PACSIN1: variants seen among roughly 807,000 people sequenced by gnomAD.
PACSIN1 encodes the protein protein kinase C and casein kinase substrate in neurons 1.
Under a neutral mutation model 59.5 loss-of-function variants are expected in PACSIN1, and 15 were observed. The ratio of observed to expected loss-of-function variants is 0.25; its 90% confidence interval spans 0.17 to 0.39. The LOEUF (loss-of-function observed/expected upper bound fraction) is 0.39, where lower values mean the gene tolerates loss of function less well. PACSIN1 is among the 10% of genes least tolerant of loss of function. The pLI is 1.00. For synonymous variants in PACSIN1, 210 were observed against 220.6 expected, an observed-to-expected ratio of 0.95 and a Z score of 0.42; for missense variants, 420 against 580.2, an observed-to-expected ratio of 0.72 and a Z score of 2.84.
Position 34,519,712 on chromosome 6 carries a change from G to A in PACSIN1, c.-63-6531G>A, listed in dbSNP as rs554698172. Among the ~76,000 whole-genome samples, 3 of 152,196 alleles carry A rather than the reference G, an allele frequency of 2.0e-5. No individual in the cohort carries two copies. In the East Asian group the frequency reaches 5.8e-4, roughly 29 times the overall value. On this transcript the variant is annotated intron_variant, in intron 1 of 9. Transcript: ENST00000244458. Reference sequence around the variant, plus strand: ...ACCCCATGGGGGTAGGTGCTATCATGGGGGTAGGTGCTATCCCATGGGGTA... The same window carrying A: ...ACCCCATGGGGGTAGGTGCTATCATAGGGGTAGGTGCTATCCCATGGGGTA...
At chr6:34,477,706 C>A (rs1400476026) in intron 1 of PACSIN1, among the ~76,000 whole-genome samples, 1 of 152,220 alleles carries the variant, frequency 6.6e-6, no homozygotes, top group Non-Finnish European at 1.5e-5. Context: ...AAACATGGTG[C>A]ATACTGGAGG....
intron 1 of PACSIN1, among the ~76,000 whole-genome samples, 167 bp downstream of exon 1, chr6:34,466,437 C>T (rs1207194644): frequency 6.6e-6 from 1 of 152,196 alleles, no homozygotes; most frequent in African/African-American, 2.4e-5. Context: ...TCGGGGATGC[C>T]TTCAGGGGAC....
chr6:34,479,736 A>T (rs1766688973), intron 1 of PACSIN1, among the ~76,000 whole-genome samples: 2 of 152,248 alleles, frequency 1.3e-5, no homozygotes, highest in South Asian at 2.1e-4. Flanking sequence ...GATTACAGGC[A>T]GGAGCCACCA....
In PACSIN1 at chr6:34,498,116, C is replaced by CA. The variant is rs1410189059; in HGVS notation, c.-63-28126dup. On this transcript the variant is annotated intron_variant, in intron 1 of 9. Coordinates refer to ENST00000244458, the MANE Select transcript of PACSIN1 (RefSeq NM_020804.5). The stretch of plus-strand genomic sequence containing the variant: ...CTCCCTCTGTCACCAGGCTGGAGTG[C>CA]AGTGGCACGATCTCGGCTCATTGCA... 2.0e-5 allele frequency among the ~76,000 whole-genome samples: 3 copies of CA among 152,250 alleles called. No homozygotes were observed. The East Asian group carries it at 5.8e-4, about 29-fold the overall frequency.
intron 1 of PACSIN1, among the ~76,000 whole-genome samples, chr6:34,520,930 C>T (rs1462530364): frequency 1.3e-5 from 2 of 152,172 alleles, no homozygotes; most frequent in African/African-American, 4.8e-5. Flanking sequence ...GCTGGGCGCC[C>T]ACTGTGTGCA....
At chr6:34,499,019 T>G (rs1766987491) in intron 1 of PACSIN1, among the ~76,000 whole-genome samples, 1 of 151,930 alleles carries the variant, frequency 6.6e-6, no homozygotes, top group Non-Finnish European at 1.5e-5. Context: ...CACATTACAA[T>G]TATAGGGTAC....
intron 3 of PACSIN1, among the ~76,000 whole-genome samples, chr6:34,528,338 C>T (rs1025897423): frequency 6.6e-6 from 1 of 152,238 alleles, no homozygotes; most frequent in African/African-American, 2.4e-5. Context: ...GGCTGCCCCC[C>T]TCCGACCCCA....
chr6:34,532,372 G>A lies in PACSIN1; in HGVS notation c.1226-49G>A. 2 of 1,289,076 alleles carry A rather than the reference G, an allele frequency of 1.6e-6. No individual in the cohort carries two copies. The highest frequency in any genetic ancestry group is 1.1e-6 in the Non-Finnish European group (1 of 908,892). 79.9% of individuals were successfully genotyped at this position (1,289,076 alleles called of 1,614,324 possible). ...GTTCCCCTAGCAGCCGGTGCGTTGA[G>A]GGAGGGGCAGCCTTCTCTCTGAGCC... On this transcript the variant is annotated intron_variant, in intron 9 of 9. Coordinates refer to ENST00000244458, the MANE Select transcript of PACSIN1 (RefSeq NM_020804.5). The surrounding 1 kb of genome is among the most constrained non-coding windows in gnomAD (Gnocchi z 5.2).
Position 34,531,287 on chromosome 6 carries a change from T to C in PACSIN1, c.1038-313T>C, listed in dbSNP as rs1347135820. On this transcript the variant is annotated intron_variant, in intron 8 of 9. Coordinates refer to ENST00000244458, the MANE Select transcript of PACSIN1 (RefSeq NM_020804.5). This position sits in a 1 kb window ranked among gnomAD's most constrained non-coding sequence, Gnocchi z 4.4. ...AGTTAGTAAACCTCAGAGCCAGATATGTTGCCCAGGAGGTCTGACTCCAGG... is the reference window on the plus strand; with the variant it reads ...AGTTAGTAAACCTCAGAGCCAGATACGTTGCCCAGGAGGTCTGACTCCAGG... Among the ~76,000 whole-genome samples the C allele has an allele frequency of 1.3e-5, 2 of 152,316 alleles. No individual in the cohort carries two copies. The highest frequency in any genetic ancestry group is 3.9e-4 in the East Asian group (2 of 5,190).
chr6:34,530,890 C>T lies in PACSIN1; in HGVS notation c.1037+303C>T, dbSNP rs1186683099. Among the ~76,000 whole-genome samples, 1 of 152,180 alleles carries T rather than the reference C, an allele frequency of 6.6e-6. No homozygotes were observed. The highest frequency in any genetic ancestry group is 1.9e-4 in the East Asian group (1 of 5,194). ...ACGTGCAACCTGGATCCCTCGCATG[C>T]GCAGTTCACAATAGGGGGGTTGCGC... On this transcript the variant is annotated intron_variant, in intron 8 of 9. Transcript: ENST00000244458. This position sits in a 1 kb window ranked among gnomAD's most constrained non-coding sequence, Gnocchi z 4.4.
rs760044717 is a variant in PACSIN1 at position 34,529,797 on chromosome 6, G to T, written c.744G>T (p.Val248=). 8.7e-6 allele frequency: 14 copies of T among 1,613,990 alleles called. No individual in the cohort carries two copies. Among genetic ancestry groups the T allele is most frequent in the Non-Finnish European group, 1.2e-5 (14 of 1,179,960 alleles). The change falls in exon 6 of 10, where the codon GTG becomes GTT. Residue 248 remains valine, a synonymous_variant. Coordinates refer to ENST00000244458, the MANE Select transcript of PACSIN1 (RefSeq NM_020804.5). This position sits in a 1 kb window ranked among gnomAD's most constrained non-coding sequence, Gnocchi z 6.3. ...EEKRLVFLKE[V]LLDIKRHLNL... is the part of the protein sequence containing the mutation. Reference sequence around the variant, plus strand: ...AGCGGCTGGTCTTCCTCAAGGAGGTGCTGCTGGACATCAAACGGCACCTCA... The same window carrying T: ...AGCGGCTGGTCTTCCTCAAGGAGGTTCTGCTGGACATCAAACGGCACCTCA...
intron 1 of PACSIN1, among the ~76,000 whole-genome samples, chr6:34,468,162 G>A (rs1268482724): frequency 6.6e-6 from 1 of 152,222 alleles, no homozygotes; most frequent in Non-Finnish European, 1.5e-5. Flanking sequence ...GGTCTTCATA[G>A]CAAGCTCTCA....
intron 1 of PACSIN1, among the ~76,000 whole-genome samples, chr6:34,512,209 A>C (rs1767213842): frequency 6.6e-6 from 1 of 150,840 alleles, no homozygotes; most frequent in South Asian, 2.1e-4. Context: ...GGGTGGGCTG[A>C]GGGTGGATGC....
Position 34,521,338 on chromosome 6 carries a change from C to T in PACSIN1, c.-63-4905C>T, listed in dbSNP as rs1281274897. Among the ~76,000 whole-genome samples, 3 of 152,150 alleles carry T rather than the reference C, an allele frequency of 2.0e-5. No homozygotes were observed. On this transcript the variant is annotated intron_variant, in intron 1 of 9. Coordinates refer to ENST00000244458, the MANE Select transcript of PACSIN1 (RefSeq NM_020804.5). This position sits in a 1 kb window ranked among gnomAD's most constrained non-coding sequence, Gnocchi z 4.3. ...ACCACTGAGGTAGGAATCCACACGG[C>T]GCCTTGGTCCACACGAGGCCTGGCC...
intron 1 of PACSIN1, among the ~76,000 whole-genome samples, chr6:34,510,098 TC>T (rs1767175936): frequency 6.6e-6 from 1 of 152,254 alleles, no homozygotes; most frequent in Non-Finnish European, 1.5e-5. Flanking sequence ...TTGCAGCCCC[TC>T]TGTGGGTGGG....
chr6:34,479,558 T>G, intron 1 of PACSIN1, among the ~76,000 whole-genome samples: 1 of 151,860 alleles, frequency 6.6e-6, no homozygotes, highest in East Asian at 1.9e-4. Flanking sequence ...ACCTCAGCCT[T>G]CTGAGAAGCT....
At chr6:34,469,110 TG>T (rs199576704) in intron 1 of PACSIN1, among the ~76,000 whole-genome samples, 1,180 of 107,802 alleles carry the variant, frequency 0.011, 12 homozygotes, top group African/African-American at 0.039. Context: ...ACATGAGGGG[TG>T]GGGGCATTCA....
chr6:34,466,914 T>C (rs1190409046), intron 1 of PACSIN1, among the ~76,000 whole-genome samples: 1 of 152,122 alleles, frequency 6.6e-6, no homozygotes, highest in Non-Finnish European at 1.5e-5. Context: ...TATTTTCACC[T>C]TACAAGAGGC....
chr6:34,483,198 GT>G (rs1766745879), intron 1 of PACSIN1, among the ~76,000 whole-genome samples: 1 of 151,588 alleles, frequency 6.6e-6, no homozygotes, highest in Non-Finnish European at 1.5e-5. Flanking sequence ...TAGATACGGA[GT>G]TTTGCCATGT....
Sources: gnomAD v4.1 joint callset for allele counts (sites outside exome capture counted in the v4.1 genomes callset) on GRCh38, gnomAD v4.1.1 for gene constraint, Gnocchi (gnomAD v3.1) non-coding constraint, MANE v1.5 for transcripts, NCBI Gene and HGNC (gene_info 2026-07-23, HGNC 2026-07-21) for gene names.